PHGDH: variants seen among roughly 807,000 people sequenced by gnomAD.
The protein encoded by PHGDH is D-3-phosphoglycerate dehydrogenase.
PHGDH carries 50 observed loss-of-function variants against 52.6 expected under a neutral mutation model. That is an observed-to-expected ratio of 0.95 (90% CI 0.76 to 1.20). The LOEUF (loss-of-function observed/expected upper bound fraction) is 1.20, where lower values mean the gene tolerates loss of function less well. Ranked by LOEUF, PHGDH falls within the 50% of genes most tolerant of loss-of-function variation. The pLI, the probability that PHGDH is intolerant of heterozygous loss-of-function variation, is 0.00. For synonymous variants in PHGDH, 271 were observed against 280.5 expected, an observed-to-expected ratio of 0.97 and a Z score of 0.34; for missense variants, 630 against 684.6, an observed-to-expected ratio of 0.92 and a Z score of 0.89.
rs186629673 is a variant in PHGDH at position 119,724,751 on chromosome 1, T to C, written c.356+1310T>C. Reference sequence around the variant, plus strand: ...TTTTTCTGGAGGTGGAAGGAAAGGATTGGGAGCCAGCAATACTTTCCCTCC... The same window carrying C: ...TTTTTCTGGAGGTGGAAGGAAAGGACTGGGAGCCAGCAATACTTTCCCTCC... On this transcript the variant is annotated intron_variant, in intron 3 of 11. Coordinates refer to ENST00000641023, the MANE Select transcript of PHGDH (RefSeq NM_006623.4). 9.3e-4 allele frequency: 425 copies of C among 456,250 alleles called. 4 individuals carry two copies. Among genetic ancestry groups the C allele is most frequent in the Middle Eastern group, 3.9e-3 (12 of 3,072 alleles). The allele number at this position is 456,250 out of a possible 1,614,324, so 28.3% of individuals were successfully genotyped here.
intron 1 of PHGDH, among the ~76,000 whole-genome samples, chr1:119,714,076 G>A (rs1570983097): frequency 6.6e-6 from 1 of 152,236 alleles, no homozygotes; most frequent in East Asian, 1.9e-4. Flanking sequence ...GTTTGGGAGG[G>A]CTCAGCTTTC....
In PHGDH at chr1:119,737,286, G is replaced by T. The variant is rs374620703; in HGVS notation, c.945+20G>T. On this transcript the variant is annotated intron_variant, in intron 8 of 11. Transcript: ENST00000641023. ...GGGGTTGTAAGTATCACCACCTGGGGCTGGGGGCCAGGAGTCAGAGGGAGG... is the reference window on the plus strand; with the variant it reads ...GGGGTTGTAAGTATCACCACCTGGGTCTGGGGGCCAGGAGTCAGAGGGAGG... 5 of 1,605,328 alleles carry T rather than the reference G, an allele frequency of 3.1e-6. No individual in the cohort carries two copies. Among genetic ancestry groups the T allele is most frequent in the African/African-American group, 1.3e-5 (1 of 74,800 alleles).
intron 3 of PHGDH, chr1:119,724,922 G>T (rs919597229): frequency 4.4e-6 from 2 of 456,464 alleles, no homozygotes; most frequent in Non-Finnish European, 8.8e-6. Context: ...GAAGGAATGC[G>T]TTCGTTTCAT....
rs757489444 is a variant in PHGDH at position 119,741,876 on chromosome 1, G to A, written c.1188G>A (p.Leu396=). Residue 396 remains leucine (L), a synonymous_variant, in exon 10 of 12, where the codon CTG becomes CTA. Transcript: ENST00000641023. ...TGAACTTGGTGAACGCTAAGCTGCTGGTGAAAGAGGCTGGCCTCAATGTGC... is the reference window on the plus strand; with the variant it reads ...TGAACTTGGTGAACGCTAAGCTGCTAGTGAAAGAGGCTGGCCTCAATGTGC... ...ADVNLVNAKL[L]VKEAGLNVTT... is the part of the protein sequence containing the mutation. The A allele has an allele frequency of 1.9e-6, 3 of 1,614,012 alleles. No homozygotes were observed. The highest frequency in any genetic ancestry group is 2.5e-6 in the Non-Finnish European group (3 of 1,179,878).
At chr1:119,728,168 C>T (rs1651531579) in intron 5 of PHGDH, among the ~76,000 whole-genome samples, 1 of 152,090 alleles carries the variant, frequency 6.6e-6, no homozygotes, top group Non-Finnish European at 1.5e-5. Flanking sequence ...CTTGAATGAG[C>T]TCAGTTAGAA....
chr1:119,724,565 G>T (rs569071), intron 3 of PHGDH: 1 of 362,234 alleles, frequency 2.8e-6, no homozygotes, highest in Admixed American at 3.8e-5. Flanking sequence ...GCTGGCAGCC[G>T]GGTTCTCCCA....
chr1:119,727,630 C>T (rs184765356), intron 5 of PHGDH: 126 of 162,020 alleles, frequency 7.8e-4, no homozygotes, highest in African/African-American at 2.4e-3. Flanking sequence ...GAGATCAAGA[C>T]CATCCTGGAT....
intron 2 of PHGDH, among the ~76,000 whole-genome samples, chr1:119,722,943 T>C (rs897902199): frequency 1.3e-5 from 2 of 149,682 alleles, no homozygotes; most frequent in African/African-American, 2.5e-5. Flanking sequence ...GATGAAGATA[T>C]GTAGGCATTG....
intron 1 of PHGDH, among the ~76,000 whole-genome samples, chr1:119,718,061 G>A (rs1651007066): frequency 6.6e-6 from 1 of 152,192 alleles, no homozygotes; most frequent in South Asian, 2.1e-4. Flanking sequence ...AGGCATTTGT[G>A]CCTATTTCTA....
At chr1:119,735,188 G>C in intron 6 of PHGDH, 107 bp from the exon 7 acceptor site, 1 of 1,442,924 alleles carries the variant, frequency 6.9e-7, no homozygotes, top group South Asian at 1.1e-5. Context: ...CAGGAGAGAG[G>C]CTCTGGGAAA....
chr1:119,715,430 T>A (rs587747836), intron 1 of PHGDH, among the ~76,000 whole-genome samples: 1 of 152,316 alleles, frequency 6.6e-6, no homozygotes, highest in South Asian at 2.1e-4. Context: ...TTTGCAAAAG[T>A]TAAATAACCA....
intron 10 of PHGDH, chr1:119,742,570 CCTGTGCCTGG>C: frequency 1.7e-6 from 1 of 603,532 alleles, no homozygotes; most frequent in Non-Finnish European, 3.0e-6. Flanking sequence ...CAAGCCTTCG[CCTGTGCCTGG>C]CAGATCTCTT....
At chr1:119,723,103 C>T (rs1374541712) in intron 2 of PHGDH, among the ~76,000 whole-genome samples, 1 of 152,198 alleles carries the variant, frequency 6.6e-6, no homozygotes, top group African/African-American at 2.4e-5. Flanking sequence ...TGAGACACTT[C>T]TCTGCCTTGG....
At chr1:119,712,813 C>G (rs1353758408) in intron 1 of PHGDH, among the ~76,000 whole-genome samples, 2 of 152,182 alleles carry the variant, frequency 1.3e-5, no homozygotes, top group South Asian at 4.1e-4. Flanking sequence ...AAGACTGCTC[C>G]GTGCTTTCGC....
intron 10 of PHGDH, 162 bp from the exon 11 acceptor site, chr1:119,742,645 A>G: frequency 1.5e-6 from 1 of 663,620 alleles, no homozygotes; most frequent in Admixed American, 2.1e-5. Flanking sequence ...GCCGAAGGGC[A>G]CACAGCTTGG....
intron 5 of PHGDH, among the ~76,000 whole-genome samples, chr1:119,733,930 G>A (rs1302476719): frequency 1.3e-5 from 2 of 152,124 alleles, no homozygotes; most frequent in Non-Finnish European, 2.9e-5. Flanking sequence ...CCTTTATTTA[G>A]GGTTGAGGAC....
At position 119,726,923 on chromosome 1, in the gene PHGDH, C is replaced by G. The variant is rs1388415964; in HGVS notation, c.411+18C>G. On this transcript the variant is annotated intron_variant, in intron 4 of 11. Transcript: ENST00000641023. ...GGAAGAAGGTGAGCAGCGGCCTTGA[C>G]TCGCCCCACCTGGGCTCAGGGCCCG... The G allele has an allele frequency of 1.9e-6, 3 of 1,613,144 alleles. No individual in the cohort carries two copies. The African/African-American group carries it at 4.0e-5, about 22-fold the overall frequency.
chr1:119,741,927 C>G, intron 10 of PHGDH, 30 bp downstream of exon 10: 1 of 1,589,878 alleles, frequency 6.3e-7, no homozygotes, highest in South Asian at 1.1e-5. Context: ...GCTGCCTCCC[C>G]ATCCCTGTCA....
chr1:119,712,147 T>G lies in PHGDH; in HGVS notation c.125T>G (p.Ile42Arg). ...EKQNLSKEELIAELQDCEGLI... is the reference protein window; with the variant it reads ...EKQNLSKEELRAELQDCEGLI... ...CAGAACCTTAGCAAAGAGGAGCTGA[T>G]AGCGGAGCTGCAGGTAAGGCGAGAG... The change falls in exon 1 of 12, where the codon ATA (isoleucine) becomes AGA (arginine). Residue 42 changes from isoleucine to arginine, a missense_variant. By Grantham distance (97) the Ile-to-Arg change is moderately conservative. Coordinates refer to ENST00000641023, the MANE Select transcript of PHGDH (RefSeq NM_006623.4). 2 of 1,614,094 alleles carry G rather than the reference T, an allele frequency of 1.2e-6. No homozygotes were observed. Among genetic ancestry groups the G allele is most frequent in the South Asian group, 2.2e-5 (2 of 91,074 alleles).
Sources: allele counts gnomAD v4.1 joint callset (sites outside exome capture counted in the v4.1 genomes callset), GRCh38; gene constraint gnomAD v4.1.1; transcripts MANE v1.5; gene names NCBI Gene and HGNC (gene_info 2026-07-23, HGNC 2026-07-21).